The following NCOR1 variants were observed in gnomAD, a reference collection of about 807,000 sequenced individuals.
The protein encoded by NCOR1 is nuclear receptor corepressor 1, also known as protein phosphatase 1, regulatory subunit 109.
A neutral mutation model predicts 288.1 loss-of-function variants in NCOR1; 63 were observed. The observed-to-expected ratio is 0.22, with a 90% CI of 0.18 to 0.27. NCOR1 has a LOEUF of 0.27. NCOR1 is among the 10% of genes least tolerant of loss of function. NCOR1 has a pLI of 1.00. For synonymous variants in NCOR1, 1,007 were observed against 1,065.9 expected, an observed-to-expected ratio of 0.94 and a Z score of 1.08; for missense variants, 2,397 against 3,019.2, an observed-to-expected ratio of 0.79 and a Z score of 4.83.
intron 26 of NCOR1, among the ~76,000 whole-genome samples, chr17:16,079,364 G>A (rs143803674): frequency 8.9e-4 from 135 of 152,330 alleles, no homozygotes; most frequent in African/African-American, 3.0e-3. Context: ...TGTTTACAAT[G>A]ATTTCCCAAA....
At chr17:16,046,233 T>C (rs1348685686) in intron 42 of NCOR1, among the ~76,000 whole-genome samples, 2 of 152,212 alleles carry the variant, frequency 1.3e-5, no homozygotes, top group East Asian at 1.9e-4. Flanking sequence ...ACTTGTCCTA[T>C]ACTTGGAGCT....
rs771531803 is a variant in NCOR1, at chr17:16,121,103, C to T, written c.1801G>A (p.Ala601Thr). ...NEAAAASAAA[A>T]AATEEPPPPL... is the part of the protein sequence containing the mutation. Reference sequence around the variant, plus strand: ...GGTGGGGGCTCTTCAGTAGCCGCTGCGGCTGCAGCACTGGCAGCTGCAGCT... The same window carrying T: ...GGTGGGGGCTCTTCAGTAGCCGCTGTGGCTGCAGCACTGGCAGCTGCAGCT... Residue 601 changes from alanine (A) to threonine (T), a missense_variant, in exon 16 of 46, where the codon GCA (alanine) becomes ACA (threonine). Physicochemically the swap from Ala to Thr is moderately conservative, Grantham distance 58. Coordinates refer to ENST00000268712, the MANE Select transcript of NCOR1 (RefSeq NM_006311.4). 3.1e-6 allele frequency: 5 copies of T among 1,613,932 alleles called. No individual in the cohort carries two copies. Among genetic ancestry groups the T allele is most frequent in the South Asian group, 1.1e-5 (1 of 91,070 alleles).
intron 14 of NCOR1, among the ~76,000 whole-genome samples, chr17:16,132,916 T>C (rs1444726100): frequency 6.7e-6 from 1 of 149,568 alleles, no homozygotes; most frequent in Non-Finnish European, 1.5e-5. Flanking sequence ...CTCCCTCCCT[T>C]CCTTCTTCTT....
intron 26 of NCOR1, among the ~76,000 whole-genome samples, chr17:16,077,450 AAGGAG>A (rs1217300024): frequency 1.0e-5 from 1 of 99,804 alleles, no homozygotes; most frequent in Non-Finnish European, 2.1e-5. Flanking sequence ...AAGGAAAGGG[AAGGAG>A]AGGAGAGGGG....
At chr17:16,087,220 C>T (rs1567925755) in intron 22 of NCOR1, 4 of 1,304,240 alleles carry the variant, frequency 3.1e-6, no homozygotes, top group Non-Finnish European at 3.0e-6. Flanking sequence ...TGTGGAGCGG[C>T]TTTACTGACT....
intron 35 of NCOR1, among the ~76,000 whole-genome samples, chr17:16,062,812 T>G (rs764296000): frequency 1.3e-5 from 2 of 152,224 alleles, no homozygotes; most frequent in Non-Finnish European, 2.9e-5. Context: ...TGAAATGAAA[T>G]CATTCACATT....
intron 18 of NCOR1, among the ~76,000 whole-genome samples, chr17:16,117,652 G>C (rs1182474570): frequency 2.6e-5 from 4 of 151,908 alleles, no homozygotes; most frequent in African/African-American, 9.7e-5. Flanking sequence ...GTGAAACACT[G>C]TCTCTACTAA....
intron 14 of NCOR1, 28 bp downstream of exon 14, chr17:16,137,283 T>C (rs2076575429): frequency 2.0e-6 from 3 of 1,464,700 alleles, no homozygotes; most frequent in African/African-American, 2.8e-5. Flanking sequence ...AATCCTGAAA[T>C]ATCTTCCATA....
intron 19 of NCOR1, among the ~76,000 whole-genome samples, chr17:16,105,177 T>C (rs1176299078): frequency 2.6e-5 from 4 of 152,258 alleles, no homozygotes; most frequent in African/African-American, 9.6e-5. Context: ...AGAAGAAACA[T>C]GATTTGATTC....
chr17:16,076,179 T>C (rs1353815368), intron 26 of NCOR1, among the ~76,000 whole-genome samples: 1 of 152,212 alleles, frequency 6.6e-6, no homozygotes, highest in African/African-American at 2.4e-5. Flanking sequence ...TAATGTGCAT[T>C]TGTCACTTTT....
chr17:16,169,457 A>G (rs2082698771), intron 4 of NCOR1, among the ~76,000 whole-genome samples: 1 of 152,232 alleles, frequency 6.6e-6, no homozygotes, highest in Non-Finnish European at 1.5e-5. Flanking sequence ...TTTAACAAAA[A>G]ATCTAACAAA....
chr17:16,152,084 A>AT, intron 7 of NCOR1, 86 bp from the exon 8 acceptor site: 1 of 889,688 alleles, frequency 1.1e-6, no homozygotes, highest in Non-Finnish European at 1.7e-6. Flanking sequence ...ATGTAAGCAC[A>AT]GGTAAAGTAC....
At chr17:16,196,268 C>T (rs1261628802) in intron 1 of NCOR1, among the ~76,000 whole-genome samples, 1 of 151,760 alleles carries the variant, frequency 6.6e-6, no homozygotes, top group Non-Finnish European at 1.5e-5. Flanking sequence ...AAAAATAATT[C>T]ACTGTGACAA....
At chr17:16,127,538 C>CATGTATATATACACATGTGTATATATGT (rs746598904) in intron 14 of NCOR1, among the ~76,000 whole-genome samples, 1 of 113,268 alleles carries the variant, frequency 8.8e-6, no homozygotes, top group Non-Finnish European at 1.6e-5. Context: ...TATATATCTG[C>CATGTATATATACACATGTGTATATATGT]ATGTATATAT....
At chr17:16,114,990 C>A (rs958967319) in intron 18 of NCOR1, among the ~76,000 whole-genome samples, 7 of 152,122 alleles carry the variant, frequency 4.6e-5, no homozygotes, top group Admixed American at 4.6e-4. Context: ...GAGAGCCCCA[C>A]CCCTGTAGCA....
chr17:16,097,741 CA>C (rs2066895558), intron 21 of NCOR1, among the ~76,000 whole-genome samples: 2 of 152,142 alleles, frequency 1.3e-5, no homozygotes, highest in African/African-American at 4.8e-5. Context: ...GGCATTTTAG[CA>C]AATTATGGAA....
rs186580914 is a variant in NCOR1 at position 16,087,306 on chromosome 17, C to T, written c.3017-864G>A. On this transcript the variant is annotated intron_variant, in intron 22 of 45. Transcript: ENST00000268712. Reference sequence around the variant, plus strand: ...CATCTGTGCTTCCTGTTCTAGAGCACGTTTGACCTCAGCATAAGGCATATA... The same window carrying T: ...CATCTGTGCTTCCTGTTCTAGAGCATGTTTGACCTCAGCATAAGGCATATA... The T allele has an allele frequency of 6.1e-6, 8 of 1,304,184 alleles. No individual in the cohort carries two copies. The Admixed American group carries it at 6.9e-5, about 11-fold the overall frequency. The allele number at this position is 1,304,184 out of a possible 1,614,324, so 80.8% of individuals were successfully genotyped here.
intron 21 of NCOR1, among the ~76,000 whole-genome samples, chr17:16,094,114 G>A (rs1022681400): frequency 6.6e-6 from 1 of 151,870 alleles, no homozygotes; most frequent in Non-Finnish European, 1.5e-5. Flanking sequence ...TGTTGCCCAA[G>A]CTGGTCTTGG....
intron 30 of NCOR1, 51 bp downstream of exon 30, chr17:16,071,358 A>ATGTGT (rs747941170): frequency 1.9e-6 from 3 of 1,569,078 alleles, no homozygotes; most frequent in Non-Finnish European, 2.6e-6. Flanking sequence ...ACACTTTTTT[A>ATGTGT]AATGTTCCAT....
Sources: gnomAD v4.1 joint callset for allele counts (sites outside exome capture counted in the v4.1 genomes callset) on GRCh38, gnomAD v4.1.1 for gene constraint, MANE v1.5 for transcripts, NCBI Gene and HGNC (gene_info 2026-07-23, HGNC 2026-07-21) for gene names.